KIF21A: variants seen among roughly 807,000 people sequenced by gnomAD.
KIF21A encodes kinesin family member 21A, also known as kinesin-like protein KIF21A.
Under a neutral mutation model 202.9 loss-of-function variants are expected in KIF21A, and 114 were observed. That is an observed-to-expected ratio of 0.56 (90% CI 0.48 to 0.66). KIF21A has a LOEUF of 0.66. Ranked by LOEUF, KIF21A falls within the 30% of genes least tolerant of loss-of-function variation. The pLI is 0.00. For missense variants in KIF21A, 1,677 were observed against 1,994.9 expected, an observed-to-expected ratio of 0.84 and a Z score of 3.04; for synonymous variants, 667 against 670.8, an observed-to-expected ratio of 0.99 and a Z score of 0.09.
At chr12:39,326,345 T>G in intron 24 of KIF21A, 21 bp from the exon 25 acceptor site, 2 of 1,558,924 alleles carry the variant, frequency 1.3e-6, no homozygotes, top group Non-Finnish European at 1.8e-6. Flanking sequence ...ATGTTTAAAA[T>G]GTAAGCATTA....
intron 1 of KIF21A, among the ~76,000 whole-genome samples, chr12:39,426,321 ATGTACACGCATGTATGCG>A (rs1374641725): frequency 6.6e-6 from 1 of 152,264 alleles, no homozygotes; most frequent in Non-Finnish European, 1.5e-5. Context: ...GTATACACAC[ATGTACACGCATGTATGCG>A]TGTACTCATA....
intron 6 of KIF21A, among the ~76,000 whole-genome samples, chr12:39,363,524 T>C (rs1365398496): frequency 5.3e-5 from 8 of 152,062 alleles, no homozygotes; most frequent in East Asian, 3.9e-4. Flanking sequence ...CCCCAGAAAA[T>C]TGTCCATTCA....
chr12:39,317,235 TAA>T (rs1262576845), intron 29 of KIF21A, among the ~76,000 whole-genome samples: 3 of 152,194 alleles, frequency 2.0e-5, no homozygotes, highest in African/African-American at 4.8e-5. Flanking sequence ...TATGATTCTC[TAA>T]GTTTATAGAG....
At chr12:39,437,181 G>A (rs1938930605) in intron 1 of KIF21A, among the ~76,000 whole-genome samples, 1 of 152,140 alleles carries the variant, frequency 6.6e-6, no homozygotes, top group Admixed American at 6.6e-5. Flanking sequence ...GATCATTTCT[G>A]CTTTCATGGT....
chr12:39,411,975 C>A (rs1378186218), intron 1 of KIF21A, among the ~76,000 whole-genome samples: 1 of 152,078 alleles, frequency 6.6e-6, no homozygotes, highest in East Asian at 1.9e-4. Flanking sequence ...GCTGGGACTA[C>A]AGGTGCACGC....
intron 28 of KIF21A, among the ~76,000 whole-genome samples, chr12:39,318,561 T>C (rs979775310): frequency 5.9e-5 from 9 of 152,142 alleles, no homozygotes; most frequent in Non-Finnish European, 1.3e-4. Context: ...GCTTATTCAG[T>C]TGGTTCATTC....
rs1397655468 is a variant in KIF21A at position 39,367,063 on chromosome 12, C to T, written c.702G>A (p.Val234=). The T allele has an allele frequency of 6.2e-7, 1 of 1,613,804 alleles. No individual in the cohort carries two copies. The highest frequency in any genetic ancestry group is 2.2e-5 in the East Asian group (1 of 44,866). The change falls in exon 5 of 38, where the codon GTG becomes GTA. Residue 234 remains valine, a synonymous_variant. Coordinates refer to ENST00000361418, the MANE Select transcript of KIF21A (RefSeq NM_001173464.2). ...TTTGGGGACACACTCTGGTTTGACA[C>T]ACATGAATGGTAAAAATGGCATGTG... The part of the protein sequence containing the change: ...SRSHAIFTIH[V]CQTRVCPQID...
intron 1 of KIF21A, among the ~76,000 whole-genome samples, chr12:39,390,202 CA>C (rs1235075031): frequency 2.0e-5 from 3 of 151,994 alleles, no homozygotes; most frequent in South Asian, 4.1e-4. Context: ...ACAACAACAA[CA>C]AAAAAACACC....
In KIF21A at chr12:39,294,485, T is replaced by G; in HGVS notation, c.4964A>C (p.Asn1655Thr). ...DRTVRIWKAR[N>T]LQDGQISDTG... ...GTCAGAGATCTGACCATCTTGCAAA[T>G]TGCGAGCCTTCCAAATTCTCACAGT... Residue 1655 changes from asparagine (N) to threonine (T), a missense_variant, in exon 38 of 38, where the codon AAT becomes ACT. By Grantham distance (65) the Asn-to-Thr change is moderately conservative. Transcript: ENST00000361418. 1 of 1,613,854 alleles carries G rather than the reference T, an allele frequency of 6.2e-7. No individual in the cohort carries two copies. Among genetic ancestry groups the G allele is most frequent in the Non-Finnish European group, 8.5e-7 (1 of 1,179,862 alleles).
chr12:39,350,171 A>C (rs190655932), intron 11 of KIF21A, among the ~76,000 whole-genome samples: 366 of 152,036 alleles, frequency 2.4e-3, no homozygotes, highest in Admixed American at 5.5e-3. Flanking sequence ...CAGTTGTTTG[A>C]TGAGTTCTTA....
At chr12:39,345,451 G>A (rs1411279316) in intron 12 of KIF21A, among the ~76,000 whole-genome samples, 1 of 151,334 alleles carries the variant, frequency 6.6e-6, no homozygotes, top group East Asian at 1.9e-4. Context: ...ATGGGCTTAT[G>A]GCATGTAAGT....
chr12:39,431,123 T>C (rs901081919), intron 1 of KIF21A, among the ~76,000 whole-genome samples: 1 of 152,072 alleles, frequency 6.6e-6, no homozygotes, highest in Non-Finnish European at 1.5e-5. Context: ...TTGAATGGGG[T>C]AAAGTAGAAA....
intron 1 of KIF21A, among the ~76,000 whole-genome samples, chr12:39,397,073 C>A (rs1237148768): frequency 4.6e-5 from 7 of 152,098 alleles, no homozygotes; most frequent in African/African-American, 1.7e-4. Context: ...GTAAATACAA[C>A]AGAACTTCTT....
intron 1 of KIF21A, among the ~76,000 whole-genome samples, chr12:39,394,279 G>A (rs1173162475): frequency 1.3e-5 from 2 of 152,338 alleles, no homozygotes; most frequent in Non-Finnish European, 1.5e-5. Flanking sequence ...CAGAAAACCT[G>A]TTGAATTTCA....
At position 39,322,708 on chromosome 12, in the gene KIF21A, G is replaced by A. The variant is rs1945414686; in HGVS notation, c.3631C>T (p.Leu1211Phe). The change falls in exon 27 of 38, where the codon CTC (leucine) becomes TTC (phenylalanine). Residue 1211 changes from leucine to phenylalanine, a missense_variant. By Grantham distance (22) the Leu-to-Phe change is conservative. Coordinates refer to ENST00000361418, the MANE Select transcript of KIF21A (RefSeq NM_001173464.2). The part of the protein sequence containing the change: ...TSGTSAREKE[L>F]SPPPGLPSKI... ...GAAGGTAAGCCAGGTGGGGGAGAGAGCTCTTTTTCCCTAGCAGAAGTACCA... is the reference window on the plus strand; with the variant it reads ...GAAGGTAAGCCAGGTGGGGGAGAGAACTCTTTTTCCCTAGCAGAAGTACCA... 6.2e-7 allele frequency: 1 copy of A among 1,614,044 alleles called. No homozygotes were observed. The highest frequency in any genetic ancestry group is 8.5e-7 in the Non-Finnish European group (1 of 1,180,000).
chr12:39,361,523 T>TTTC (rs1491443548), intron 7 of KIF21A, among the ~76,000 whole-genome samples: 2 of 76,060 alleles, frequency 2.6e-5, no homozygotes, highest in African/African-American at 1.7e-4. Flanking sequence ...ACTTTCTTTC[T>TTTC]TTTTTTTTTT....
chr12:39,389,860 A>G (rs1951220384), intron 1 of KIF21A, among the ~76,000 whole-genome samples: 1 of 152,150 alleles, frequency 6.6e-6, no homozygotes, highest in Non-Finnish European at 1.5e-5. Context: ...CATATTTTGA[A>G]GATTTTTATA....
intron 1 of KIF21A, among the ~76,000 whole-genome samples, chr12:39,418,339 C>T (rs1953956152): frequency 6.6e-6 from 1 of 152,088 alleles, no homozygotes; most frequent in Non-Finnish European, 1.5e-5. Context: ...AGGAATGACC[C>T]ACATACATGA....
intron 1 of KIF21A, among the ~76,000 whole-genome samples, chr12:39,399,465 A>T (rs1952004662): frequency 6.6e-6 from 1 of 152,240 alleles, no homozygotes; most frequent in African/African-American, 2.4e-5. Flanking sequence ...GGAAGGAACA[A>T]GAGAAATCTA....
Sources: allele counts gnomAD v4.1 joint callset (sites outside exome capture counted in the v4.1 genomes callset), GRCh38; gene constraint gnomAD v4.1.1; transcripts MANE v1.5; gene names NCBI Gene and HGNC (gene_info 2026-07-23, HGNC 2026-07-21).